Variants in NGF observed in about 807,000 individuals in gnomAD.
The protein encoded by NGF is nerve growth factor.
In NGF, 4 loss-of-function variants were observed where a neutral mutation model predicts 12.8. That is an observed-to-expected ratio of 0.31 (90% confidence interval 0.15 to 0.72). NGF has a LOEUF of 0.72. Ranked by LOEUF, NGF falls within the 30% of genes least tolerant of loss-of-function variation. NGF has a pLI of 0.69. For synonymous variants in NGF, 140 were observed against 130.0 expected (o/e 1.08, Z -0.52); for missense variants, 283 against 330.8 (o/e 0.86, Z 1.12).
At chr1:115,337,247 ATTTTTTTTGTTTTGTTTTTGTTTT>A (rs1655134299) in intron 1 of NGF, among the ~76,000 whole-genome samples, 4 of 87,930 alleles carry the variant, frequency 4.5e-5, no homozygotes, top group African/African-American at 1.7e-4. Context: ...GAATCTCGAA[ATTTTTTTTGTTTTGTTTTTGTTTT>A]TTTTTTTTTT....
At chr1:115,319,916 G>A (rs527302953) in intron 1 of NGF, among the ~76,000 whole-genome samples, 2 of 152,292 alleles carry the variant, frequency 1.3e-5, no homozygotes, top group South Asian at 4.1e-4. Flanking sequence ...GTGGGTGGTT[G>A]ATAAATATCA....
rs139760247 is a variant in NGF, at chr1:115,318,984, G to A, written c.-137+19220C>T. Among the ~76,000 whole-genome samples the A allele has an allele frequency of 5.4e-3, 817 of 152,294 alleles. 10 individuals carry two copies. Among genetic ancestry groups the A allele is most frequent in the African/African-American group, 0.018 (744 of 41,572 alleles). ...CAGATGCTGTTGAATGGCTTCATGG[G>A]ACTCCCCAGATTCAAACTCTGTATG... is the stretch of plus-strand genomic sequence containing the variant. On this transcript the variant is annotated intron_variant, in intron 1 of 2. Coordinates refer to ENST00000369512, the MANE Select transcript of NGF (RefSeq NM_002506.3).
At chr1:115,329,967 G>A (rs1014231550) in intron 1 of NGF, among the ~76,000 whole-genome samples, 10 of 151,836 alleles carry the variant, frequency 6.6e-5, no homozygotes, top group African/African-American at 2.4e-4. Context: ...TGTTGCTCAG[G>A]ATGGCCTTAA....
intron 2 of NGF, among the ~76,000 whole-genome samples, chr1:115,290,424 C>A (rs1653657000): frequency 8.7e-6 from 1 of 114,702 alleles, no homozygotes. Context: ...GAGATGGAGT[C>A]TCGCTCTGTC....
At position 115,297,321 on chromosome 1, in the gene NGF, C is replaced by T. The variant is rs561774358; in HGVS notation, c.-136-3571G>A. 1.5e-4 allele frequency among the ~76,000 whole-genome samples: 23 copies of T among 152,256 alleles called. 1 individual carries two copies. The South Asian group carries it at 1.7e-3, about 11-fold the overall frequency. The stretch of plus-strand genomic sequence containing the variant: ...TGAAGTATCCAGTGCAAAGACAAAG[C>T]GCCAACCCAGAGCCAGTCCACTGCT... On this transcript the variant is annotated intron_variant, in intron 1 of 2. Coordinates refer to ENST00000369512, the MANE Select transcript of NGF (RefSeq NM_002506.3).
At chr1:115,301,915 G>T (rs1654048146) in intron 1 of NGF, among the ~76,000 whole-genome samples, 1 of 152,150 alleles carries the variant, frequency 6.6e-6, no homozygotes, top group African/African-American at 2.4e-5. Context: ...CAGAAAAAGT[G>T]AATCACAAGG....
intron 1 of NGF, among the ~76,000 whole-genome samples, chr1:115,329,811 A>G (rs1654869240): frequency 7.3e-6 from 1 of 136,992 alleles, no homozygotes; most frequent in Non-Finnish European, 1.5e-5. Flanking sequence ...GTGCAGTGGC[A>G]TGATCATGGC....
At chr1:115,317,483 T>C (rs900972628) in intron 1 of NGF, among the ~76,000 whole-genome samples, 2 of 152,208 alleles carry the variant, frequency 1.3e-5, no homozygotes, top group African/African-American at 4.8e-5. Flanking sequence ...ATTAGTTGTG[T>C]TGTCTCAATT....
chr1:115,306,850 T>C, intron 1 of NGF, among the ~76,000 whole-genome samples: 1 of 152,180 alleles, frequency 6.6e-6, no homozygotes, highest in East Asian at 1.9e-4. Flanking sequence ...AACAGTGACA[T>C]TTTGCAGACA....
intron 1 of NGF, among the ~76,000 whole-genome samples, chr1:115,300,466 T>C (rs4573519): frequency 0.85 from 129,688 of 152,208 alleles, 55,776 homozygotes; most frequent in African/African-American, 0.97. Flanking sequence ...CTGCAAAAAT[T>C]GCTGCACCTC....
intron 1 of NGF, among the ~76,000 whole-genome samples, chr1:115,316,210 AC>A (rs748367321): frequency 2.0e-5 from 3 of 152,012 alleles, no homozygotes; most frequent in Non-Finnish European, 4.4e-5. Context: ...CAATCTCACC[AC>A]CCAGACTGGT....
intron 2 of NGF, among the ~76,000 whole-genome samples, chr1:115,290,349 G>T (rs1653649573): frequency 6.7e-6 from 1 of 148,680 alleles, no homozygotes; most frequent in African/African-American, 2.5e-5. Flanking sequence ...CCCCTGGGGA[G>T]CTTTTTCTAA....
chr1:115,337,261 GTTTTTGTTTTTTTTTTTTT>G (rs1655140907), intron 1 of NGF, among the ~76,000 whole-genome samples: 5 of 11,758 alleles, frequency 4.3e-4, no homozygotes, highest in Admixed American at 1.0e-3. Flanking sequence ...TTTTTGTTTT[GTTTTTGTTTTTTTTTTTTT>G]TTTTTTTTTT....
intron 1 of NGF, among the ~76,000 whole-genome samples, chr1:115,327,407 C>T (rs1654807497): frequency 6.6e-6 from 1 of 152,110 alleles, no homozygotes. Context: ...CTTTCATTTC[C>T]AAGACACAGA....
At chr1:115,307,264 G>C (rs1654226877) in intron 1 of NGF, among the ~76,000 whole-genome samples, 1 of 152,176 alleles carries the variant, frequency 6.6e-6, no homozygotes, top group Admixed American at 6.5e-5. Context: ...AATTGAGAGA[G>C]GAGGGGAGTA....
At chr1:115,289,455 C>T (rs1653617148) in intron 2 of NGF, among the ~76,000 whole-genome samples, 1 of 152,128 alleles carries the variant, frequency 6.6e-6, no homozygotes, top group African/African-American at 2.4e-5. Context: ...TTGGTGGGCT[C>T]CTCCTCTTCT....
intron 1 of NGF, among the ~76,000 whole-genome samples, chr1:115,312,524 T>C (rs1654361576): frequency 6.6e-6 from 1 of 152,172 alleles, no homozygotes; most frequent in Non-Finnish European, 1.5e-5. Context: ...CTGTCAGCAA[T>C]GGAGGGGTCA....
At chr1:115,293,195 G>A (rs1242793123) in intron 2 of NGF, among the ~76,000 whole-genome samples, 1 of 152,060 alleles carries the variant, frequency 6.6e-6, no homozygotes, top group Non-Finnish European at 1.5e-5. Flanking sequence ...AGTGGAACTC[G>A]GAGCCACACC....
At chr1:115,335,146 T>C (rs1655074574) in intron 1 of NGF, among the ~76,000 whole-genome samples, 1 of 152,218 alleles carries the variant, frequency 6.6e-6, no homozygotes, top group Non-Finnish European at 1.5e-5. Context: ...ATTCTTCTGG[T>C]CTTCACTAAA....
Sources: allele counts gnomAD v4.1 joint callset (sites outside exome capture counted in the v4.1 genomes callset), GRCh38; gene constraint gnomAD v4.1.1; transcripts MANE v1.5; gene names NCBI Gene and HGNC (gene_info 2026-07-23, HGNC 2026-07-21).